The following DZIP1L variants were observed in gnomAD, a reference collection of about 807,000 sequenced individuals.
DZIP1L encodes cilium assembly protein DZIP1L.
Under a neutral mutation model 88.7 loss-of-function variants are expected in DZIP1L, and 90 were observed. That is an observed-to-expected ratio of 1.02 (90% CI 0.86 to 1.21). The LOEUF is 1.21. DZIP1L is among the 50% of genes most tolerant of loss of function. The pLI, the probability that DZIP1L is intolerant of heterozygous loss-of-function variation, is 0.00. For missense variants in DZIP1L, 932 were observed against 955.8 expected (o/e 0.98, Z 0.33); for synonymous variants, 363 against 372.1 (o/e 0.98, Z 0.28).
At chr3:138,078,005 G>C (rs1366116864) in intron 10 of DZIP1L, among the ~76,000 whole-genome samples, 1 of 152,178 alleles carries the variant, frequency 6.6e-6, no homozygotes, top group Non-Finnish European at 1.5e-5. Context: ...GAATCACCTG[G>C]GCATGGGTTA....
chr3:138,102,051 A>G (rs1283056912), intron 2 of DZIP1L: 2 of 1,479,308 alleles, frequency 1.4e-6, no homozygotes, highest in Admixed American at 1.7e-5. Context: ...CAGCATCTGC[A>G]GCTCCTCATA....
intron 1 of DZIP1L, among the ~76,000 whole-genome samples, chr3:138,104,343 G>A (rs1005830472): frequency 6.6e-6 from 1 of 152,246 alleles, no homozygotes; most frequent in Non-Finnish European, 1.5e-5. Context: ...GAGGAATGAG[G>A]CAAGTGAAGC....
chr3:138,108,475 T>C (rs889323692), intron 1 of DZIP1L, among the ~76,000 whole-genome samples: 3 of 152,146 alleles, frequency 2.0e-5, no homozygotes, highest in Non-Finnish European at 2.9e-5. Flanking sequence ...TCCTACCTTT[T>C]TGAATGCTCT....
intron 2 of DZIP1L, among the ~76,000 whole-genome samples, chr3:138,100,339 C>T (rs576344387): frequency 1.3e-5 from 2 of 152,322 alleles, no homozygotes; most frequent in East Asian, 3.9e-4. Flanking sequence ...AGGGAAGTTC[C>T]GAGTCCCTTC....
chr3:138,105,241 A>G (rs2042448958), intron 1 of DZIP1L, among the ~76,000 whole-genome samples: 1 of 152,158 alleles, frequency 6.6e-6, no homozygotes, highest in Non-Finnish European at 1.5e-5. Context: ...GTTGTCTATG[A>G]GAGGAGGGAG....
chr3:138,112,840 G>A (rs770261685), intron 1 of DZIP1L, among the ~76,000 whole-genome samples: 27 of 152,066 alleles, frequency 1.8e-4, no homozygotes, highest in South Asian at 2.1e-4. Context: ...CCAGCTACTC[G>A]GGAGGCTGAG....
intron 4 of DZIP1L, among the ~76,000 whole-genome samples, chr3:138,094,511 G>C (rs2107815572): frequency 6.6e-6 from 1 of 152,310 alleles, no homozygotes; most frequent in Non-Finnish European, 1.5e-5. Flanking sequence ...CTCTGGGCTG[G>C]GTTCTGGAGC....
intron 7 of DZIP1L, among the ~76,000 whole-genome samples, chr3:138,085,770 G>T (rs1433899723): frequency 3.3e-5 from 5 of 152,158 alleles, no homozygotes; most frequent in African/African-American, 1.2e-4. Context: ...TATACCCAAA[G>T]GACTATAAAT....
intron 10 of DZIP1L, among the ~76,000 whole-genome samples, chr3:138,077,933 C>T (rs753751213): frequency 6.6e-6 from 1 of 152,186 alleles, no homozygotes; most frequent in African/African-American, 2.4e-5. Flanking sequence ...ATAGACAGAT[C>T]GCTGCTCCCT....
chr3:138,103,303 C>G (rs1299761252), intron 2 of DZIP1L, among the ~76,000 whole-genome samples, 168 bp downstream of exon 2: 1 of 152,028 alleles, frequency 6.6e-6, no homozygotes, highest in African/African-American at 2.4e-5. Context: ...AATGAGACAC[C>G]CCCAGGCTCT....
At chr3:138,072,464 C>G (rs1364531322) in intron 11 of DZIP1L, among the ~76,000 whole-genome samples, 1 of 151,990 alleles carries the variant, frequency 6.6e-6, no homozygotes, top group Admixed American at 6.6e-5. Context: ...AAAGTAGTGA[C>G]CATTCTTCCT....
chr3:138,064,443 T>A, intron 15 of DZIP1L, 185 bp downstream of exon 15: 1 of 1,570,722 alleles, frequency 6.4e-7, no homozygotes, highest in African/African-American at 1.4e-5. Context: ...TTAACTTGGA[T>A]ACAAGTATTC....
chr3:138,078,999 T>C (rs76949700), intron 10 of DZIP1L, among the ~76,000 whole-genome samples: 1,834 of 152,292 alleles, frequency 0.012, 42 homozygotes, highest in African/African-American at 0.041. Flanking sequence ...CTGGAGAGTG[T>C]CTGAAAACAG....
chr3:138,068,935 G>C lies in DZIP1L; in HGVS notation c.1616-568C>G, dbSNP rs1168912120. On this transcript the variant is annotated intron_variant, in intron 12 of 15. Coordinates refer to ENST00000327532, the MANE Select transcript of DZIP1L (RefSeq NM_173543.3). The stretch of plus-strand genomic sequence containing the variant: ...GTCCCGGATCAGCAAGTTTTTATGG[G>C]AAGAGAAGAGAGAGAGTGCATCACA... 5 of 1,250,498 alleles carry C rather than the reference G, an allele frequency of 4.0e-6. No individual in the cohort carries two copies. The African/African-American group carries it at 4.6e-5, about 12-fold the overall frequency. The allele number at this position is 1,250,498 out of a possible 1,614,324, so 77.5% of individuals were successfully genotyped here. A position where few individuals can be genotyped will look rare whatever the true frequency, so the allele number is the denominator to read the frequency against.
At chr3:138,092,262 C>G in intron 5 of DZIP1L, 121 bp downstream of exon 5, 1 of 1,105,976 alleles carries the variant, frequency 9.0e-7, no homozygotes, top group Admixed American at 3.6e-5. Flanking sequence ...CCTCTGATAA[C>G]TGGCCTCACA....
At chr3:138,100,785 C>T (rs148649997) in intron 2 of DZIP1L, among the ~76,000 whole-genome samples, 5 of 152,306 alleles carry the variant, frequency 3.3e-5, no homozygotes, top group Non-Finnish European at 4.4e-5. Context: ...ATGATTTGTG[C>T]CCACATCCTC....
At chr3:138,106,941 C>T (rs1034506315) in intron 1 of DZIP1L, among the ~76,000 whole-genome samples, 2 of 151,952 alleles carry the variant, frequency 1.3e-5, no homozygotes, top group Non-Finnish European at 2.9e-5. Context: ...GAGCCACTGT[C>T]TTCTTCTGTG....
intron 7 of DZIP1L, among the ~76,000 whole-genome samples, chr3:138,086,620 CAAACGTG>C (rs1943952881): frequency 6.6e-6 from 1 of 152,122 alleles, no homozygotes; most frequent in African/African-American, 2.4e-5. Flanking sequence ...AAGAAGAGCC[CAAACGTG>C]AAACGACCAG....
Position 138,063,006 on chromosome 3 carries a change from G to A in DZIP1L, c.2143-29C>T. The A allele has an allele frequency of 6.2e-7, 1 of 1,610,548 alleles. No homozygotes were observed. Among genetic ancestry groups the A allele is most frequent in the Non-Finnish European group, 8.5e-7 (1 of 1,178,918 alleles). Reference sequence around the variant, plus strand: ...CAGGGGGTAAAGGGGAGAAGAAAATGCATTTTGATAAGGGAGGAGGGTGGC... The same window carrying A: ...CAGGGGGTAAAGGGGAGAAGAAAATACATTTTGATAAGGGAGGAGGGTGGC... On this transcript the variant is annotated intron_variant, in intron 15 of 15. Coordinates refer to ENST00000327532, the MANE Select transcript of DZIP1L (RefSeq NM_173543.3). The surrounding 1 kb of genome is among the most constrained non-coding windows in gnomAD (Gnocchi z 4.1).
Sources: allele counts gnomAD v4.1 joint callset (sites outside exome capture counted in the v4.1 genomes callset), GRCh38; gene constraint gnomAD v4.1.1; non-coding constraint Gnocchi (gnomAD v3.1); transcripts MANE v1.5; gene names NCBI Gene and HGNC (gene_info 2026-07-23, HGNC 2026-07-21).